BATF2: variants seen among roughly 807,000 people sequenced by gnomAD.
BATF2 encodes basic leucine zipper ATF-like transcription factor 2.
In BATF2, 4 loss-of-function variants were observed where a neutral mutation model predicts 7.3. The observed-to-expected ratio is 0.55, with a 90% CI of 0.27 to 1.26. BATF2 has a LOEUF of 1.26. Ranked by LOEUF, BATF2 falls within the 50% of genes most tolerant of loss-of-function variation. The pLI, the probability that BATF2 is intolerant of heterozygous loss-of-function variation, is 0.11. For missense variants in BATF2, 295 were observed against 340.5 expected (o/e 0.87, Z 1.05); for synonymous variants, 152 against 153.9 (o/e 0.99, Z 0.09).
At chr11:64,991,014 T>C (rs1946072093) in intron 2 of BATF2, among the ~76,000 whole-genome samples, 1 of 151,644 alleles carries the variant, frequency 6.6e-6, no homozygotes, top group South Asian at 2.1e-4. Context: ...ATGGTCTCGA[T>C]CTCCTGACCT....
chr11:64,994,903 C>A (rs938841633), intron 1 of BATF2, among the ~76,000 whole-genome samples: 1 of 152,186 alleles, frequency 6.6e-6, no homozygotes, highest in African/African-American at 2.4e-5. Flanking sequence ...TGGAGTAGTG[C>A]AGCGGCTCTA....
chr11:64,995,719 G>T (rs1041338917), intron 1 of BATF2, among the ~76,000 whole-genome samples: 2 of 152,140 alleles, frequency 1.3e-5, no homozygotes, highest in Non-Finnish European at 2.9e-5. Context: ...TATGTGTTTT[G>T]AGGGTAAGGA....
At chr11:64,990,356 C>CG (rs1463571260) in intron 2 of BATF2, 8 of 1,448,762 alleles carry the variant, frequency 5.5e-6, no homozygotes, top group Non-Finnish European at 7.3e-6. Flanking sequence ...ACCCTTCCGC[C>CG]GCCCTTCTCT....
At chr11:64,991,750 G>A (rs536994595) in intron 2 of BATF2, among the ~76,000 whole-genome samples, 9 of 152,242 alleles carry the variant, frequency 5.9e-5, no homozygotes, top group East Asian at 3.9e-4. Context: ...TGGGGTGGGC[G>A]TTTGTCTACT....
chr11:64,996,617 G>A, intron 1 of BATF2, among the ~76,000 whole-genome samples: 1 of 152,196 alleles, frequency 6.6e-6, no homozygotes, highest in East Asian at 1.9e-4. Context: ...CGTTAGGAGA[G>A]AGCAAGTACA....
In BATF2 at chr11:64,989,386, A is replaced by G. The variant is rs1250881495; in HGVS notation, c.568T>C (p.Ser190Pro). The change falls in exon 3 of 3, where the codon TCT (serine) becomes CCT (proline). Residue 190 changes from serine (S) to proline (P), a missense_variant. Transcript: ENST00000301887. This position sits in a 1 kb window ranked among gnomAD's most constrained non-coding sequence, Gnocchi z 4.3. ...HTGSSLQGSS[S>P]KLSALQPSLT... Reference sequence around the variant, plus strand: ...CTGGGCTGGAGGGCACTGAGCTTAGAGGAAGACCCCTGCAGGCTGGAACCA... The same window carrying G: ...CTGGGCTGGAGGGCACTGAGCTTAGGGGAAGACCCCTGCAGGCTGGAACCA... 6 of 1,580,954 alleles carry G rather than the reference A, an allele frequency of 3.8e-6. No individual in the cohort carries two copies. Among genetic ancestry groups the G allele is most frequent in the Non-Finnish European group, 4.3e-6 (5 of 1,162,776 alleles).
intron 1 of BATF2, among the ~76,000 whole-genome samples, chr11:64,995,109 C>T (rs1448998169): frequency 1.3e-5 from 2 of 152,174 alleles, no homozygotes; most frequent in Admixed American, 1.3e-4. Context: ...ATTCACCAGC[C>T]TCGGCCTCCC....
At chr11:64,992,256 G>A (rs1184740230) in intron 2 of BATF2, among the ~76,000 whole-genome samples, 1 of 151,926 alleles carries the variant, frequency 6.6e-6, no homozygotes, top group Non-Finnish European at 1.5e-5. Flanking sequence ...AGTAGAGATG[G>A]GGTTTTACCA....
Position 64,992,879 on chromosome 11 carries a change from C to T in BATF2, c.141+1569G>A, listed in dbSNP as rs553825048. On this transcript the variant is annotated intron_variant, in intron 2 of 2. Transcript: ENST00000301887. ...CTCTCAAAAAAAAAAAAGGAAGAGG[C>T]CAGGCATGGTGGCTCACGCCTGTAA... is the stretch of plus-strand genomic sequence containing the variant. Among the ~76,000 whole-genome samples the T allele has an allele frequency of 2.1e-4, 31 of 151,032 alleles. No homozygotes were observed. The South Asian group carries it at 6.5e-3, about 32-fold the overall frequency.
In BATF2 at chr11:64,988,080, C is replaced by T. The variant is rs1478136036; in HGVS notation, c.*1049G>A. 1 of 152,104 alleles carries T rather than the reference C, an allele frequency of 6.6e-6. No individual in the cohort carries two copies. Among genetic ancestry groups the T allele is most frequent in the Non-Finnish European group, 1.5e-5 (1 of 68,048 alleles). 9.4% of individuals were successfully genotyped at this position (152,104 alleles called of 1,614,324 possible). The stretch of plus-strand genomic sequence containing the variant: ...TGGGTGAAGAGCCAGGGTTTCTCTC[C>T]CCCACCCGCCTCAGAGTGCTTGTCC... On this transcript the variant is annotated 3_prime_UTR_variant, in exon 3 of 3. Transcript: ENST00000301887.
chr11:64,990,576 G>A (rs575428501), intron 2 of BATF2: 487 of 1,053,480 alleles, frequency 4.6e-4, no homozygotes, highest in Non-Finnish European at 5.4e-4. Context: ...GCTGAACGCC[G>A]GTTCTGAGAA....
rs941157758 is a variant in BATF2 at position 64,988,768 on chromosome 11, C to T, written c.*361G>A. On this transcript the variant is annotated 3_prime_UTR_variant, in exon 3 of 3. Coordinates refer to ENST00000301887, the MANE Select transcript of BATF2 (RefSeq NM_138456.4). ...GCCCACGGTTTCCAGGATTTCAGCC[C>T]CTAGGATGCCTGGGCCAGGACAGGA... 1.8e-5 allele frequency: 5 copies of T among 282,272 alleles called. No homozygotes were observed. Among genetic ancestry groups the T allele is most frequent in the Non-Finnish European group, 3.4e-5 (5 of 145,790 alleles). 17.5% of individuals were successfully genotyped at this position (282,272 alleles called of 1,614,324 possible).
Position 64,989,870 on chromosome 11 carries a change from T to C in BATF2, c.142-58A>G. 6.3e-7 allele frequency: 1 copy of C among 1,585,370 alleles called. No individual in the cohort carries two copies. The highest frequency in any genetic ancestry group is 1.3e-5 in the African/African-American group (1 of 74,462). On this transcript the variant is annotated intron_variant, in intron 2 of 2. Transcript: ENST00000301887. This position sits in a 1 kb window ranked among gnomAD's most constrained non-coding sequence, Gnocchi z 4.3. ...CTCAGCCAGTGTCAGGGGCCCCGCA[T>C]GAGCCTTAGCCCCTTCCAGGGTCCT...
intron 1 of BATF2, among the ~76,000 whole-genome samples, chr11:64,996,193 T>C (rs1196428668): frequency 2.0e-5 from 3 of 151,816 alleles, no homozygotes; most frequent in African/African-American, 7.3e-5. Context: ...TCTCCTGACC[T>C]CAGGTGATCT....
In BATF2 at chr11:64,994,488, C is replaced by G; in HGVS notation, c.101G>C (p.Ser34Thr). 1 of 1,602,148 alleles carries G rather than the reference C, an allele frequency of 6.2e-7. No homozygotes were observed. The highest frequency in any genetic ancestry group is 8.5e-7 in the Non-Finnish European group (1 of 1,174,332). The change falls in exon 2 of 3, where the codon AGC becomes ACC. Residue 34 changes from serine (S) to threonine (T), a missense_variant. Ser to Thr is a moderately conservative substitution (Grantham distance 58). Coordinates refer to ENST00000301887, the MANE Select transcript of BATF2 (RefSeq NM_138456.4). ...TGCCTTGTCTGTGTGCTTCTGCCGG[C>G]TTCGCTGGGCGGCTGCCCGGTTCTT... ...KQKNRAAAQR[S>T]RQKHTDKADA...
At chr11:64,990,300 A>G (rs1946065965) in intron 2 of BATF2, 25 of 1,488,986 alleles carry the variant, frequency 1.7e-5, no homozygotes, top group Middle Eastern at 4.3e-4. Flanking sequence ...TGACCCTCAC[A>G]TGAACTCTGC....
At chr11:64,992,404 T>G (rs2136878522) in intron 2 of BATF2, among the ~76,000 whole-genome samples, 1 of 152,172 alleles carries the variant, frequency 6.6e-6, no homozygotes, top group Middle Eastern at 3.4e-3. Context: ...ACTACCTATG[T>G]GCTATGGACT....
intron 2 of BATF2, among the ~76,000 whole-genome samples, chr11:64,990,853 C>A (rs550423923): frequency 6.8e-6 from 1 of 146,460 alleles, no homozygotes; most frequent in Non-Finnish European, 1.5e-5. Context: ...TGCAGTGGCT[C>A]GATCTCGGCT....
intron 1 of BATF2, 45 bp downstream of exon 1, chr11:64,996,831 C>T (rs1345208183): frequency 6.2e-6 from 10 of 1,611,272 alleles, no homozygotes; most frequent in Non-Finnish European, 8.5e-6. Flanking sequence ...AGGACGGGAT[C>T]CCAGCTCCCC....
Sources: gnomAD v4.1 joint callset for allele counts (sites outside exome capture counted in the v4.1 genomes callset) on GRCh38, gnomAD v4.1.1 for gene constraint, Gnocchi (gnomAD v3.1) non-coding constraint, MANE v1.5 for transcripts, NCBI Gene and HGNC (gene_info 2026-07-23, HGNC 2026-07-21) for gene names.